AGBL4: variants seen among roughly 807,000 people sequenced by gnomAD.
AGBL4 encodes the protein cytosolic carboxypeptidase 6.
In AGBL4, 58 loss-of-function variants were observed where a neutral mutation model predicts 66.4. The observed-to-expected ratio is 0.87, with a 90% CI of 0.71 to 1.09. The LOEUF (loss-of-function observed/expected upper bound fraction) is 1.09. Among genes scored for constraint, AGBL4 ranks in the 50% least tolerant of loss-of-function variants. AGBL4 has a pLI of 0.00. For synonymous variants in AGBL4, 234 were observed against 222.9 expected (o/e 1.05, Z -0.44); for missense variants, 579 against 631.0 (o/e 0.92, Z 0.88).
intron 3 of AGBL4, among the ~76,000 whole-genome samples, chr1:49,625,096 T>G (rs1467731291): frequency 1.3e-5 from 2 of 152,200 alleles, no homozygotes; most frequent in African/African-American, 4.8e-5. Context: ...CAATAACATC[T>G]GACACTAAAT....
At position 48,612,109 on chromosome 1, in the gene AGBL4, G is replaced by C. The variant is rs896996360; in HGVS notation, c.952-21124C>G. On this transcript the variant is annotated intron_variant, in intron 9 of 13. Coordinates refer to ENST00000371839, the MANE Select transcript of AGBL4 (RefSeq NM_032785.4). ...TTTTCTAACTGCCAGTGCGGCCAGGGGCCTGCTGCCAGAGTGTGCTCAATA... is the reference window on the plus strand; with the variant it reads ...TTTTCTAACTGCCAGTGCGGCCAGGCGCCTGCTGCCAGAGTGTGCTCAATA... Among the ~76,000 whole-genome samples the C allele has an allele frequency of 3.3e-5, 5 of 152,364 alleles. No individual in the cohort carries two copies. The East Asian group carries it at 5.8e-4, about 18-fold the overall frequency.
chr1:50,017,804 T>C (rs1415280844), intron 1 of AGBL4, among the ~76,000 whole-genome samples: 1 of 152,108 alleles, frequency 6.6e-6, no homozygotes, highest in Non-Finnish European at 1.5e-5. Flanking sequence ...AGCTGGGTGA[T>C]GAAATAACCT....
intron 11 of AGBL4, among the ~76,000 whole-genome samples, chr1:48,565,757 T>C (rs184414825): frequency 1.3e-5 from 2 of 152,362 alleles, no homozygotes; most frequent in East Asian, 3.9e-4. Flanking sequence ...ATGAGAACAA[T>C]AATCTCTGTC....
At chr1:49,792,402 A>AT (rs1644623782) in intron 2 of AGBL4, among the ~76,000 whole-genome samples, 2 of 152,094 alleles carry the variant, frequency 1.3e-5, no homozygotes, top group Admixed American at 1.3e-4. Flanking sequence ...CCAGGAGCAA[A>AT]TTATAGATTA....
chr1:48,555,968 C>T (rs1417454405), intron 11 of AGBL4, among the ~76,000 whole-genome samples: 2 of 152,114 alleles, frequency 1.3e-5, no homozygotes, highest in East Asian at 3.9e-4. Context: ...CTAAAGGTGG[C>T]TCCTAGAAGG....
chr1:49,232,371 TG>T (rs1650381077), intron 4 of AGBL4, among the ~76,000 whole-genome samples: 2 of 152,172 alleles, frequency 1.3e-5, no homozygotes, highest in Non-Finnish European at 1.5e-5. Flanking sequence ...TGAGTAACTT[TG>T]GACTCAAGAA....
At chr1:49,044,742 T>C (rs925210431) in intron 5 of AGBL4, among the ~76,000 whole-genome samples, 1 of 152,020 alleles carries the variant, frequency 6.6e-6, no homozygotes, top group Admixed American at 6.5e-5. Context: ...TGATACAGCA[T>C]GAAAAAGACT....
intron 4 of AGBL4, among the ~76,000 whole-genome samples, chr1:49,062,875 T>C (rs1045279626): frequency 1.3e-5 from 2 of 152,212 alleles, no homozygotes; most frequent in Non-Finnish European, 2.9e-5. Context: ...ATGGCATAGC[T>C]TCCTTTCTAC....
chr1:49,887,188 T>C (rs1207058060), intron 1 of AGBL4, among the ~76,000 whole-genome samples: 1 of 149,776 alleles, frequency 6.7e-6, no homozygotes, highest in Non-Finnish European at 1.5e-5. Context: ...TATATATATA[T>C]ATGTGTATGT....
intron 3 of AGBL4, among the ~76,000 whole-genome samples, chr1:49,431,293 T>G (rs915685475): frequency 6.6e-6 from 1 of 152,200 alleles, no homozygotes; most frequent in Non-Finnish European, 1.5e-5. Context: ...CATGTAAATA[T>G]AAAGTACTAT....
intron 3 of AGBL4, among the ~76,000 whole-genome samples, chr1:49,656,146 CAA>C (rs545673143): frequency 8.3e-5 from 9 of 108,836 alleles, no homozygotes; most frequent in Admixed American, 1.9e-4. Context: ...GACTCCGTCT[CAA>C]AAAAAAAAAA....
At chr1:49,009,654 G>C (rs1343307987) in intron 5 of AGBL4, among the ~76,000 whole-genome samples, 1 of 150,858 alleles carries the variant, frequency 6.6e-6, no homozygotes, top group Non-Finnish European at 1.5e-5. Context: ...AACGAATCCA[G>C]CAGCACATCA....
At chr1:49,525,405 G>T (rs1650579676) in intron 3 of AGBL4, among the ~76,000 whole-genome samples, 1 of 152,000 alleles carries the variant, frequency 6.6e-6, no homozygotes. Flanking sequence ...ATAGAGGTAG[G>T]GGGAGTGCCT....
At chr1:49,026,656 A>G (rs1388593280) in intron 5 of AGBL4, among the ~76,000 whole-genome samples, 1 of 152,208 alleles carries the variant, frequency 6.6e-6, no homozygotes, top group Non-Finnish European at 1.5e-5. Context: ...CACACAATGC[A>G]CAGTCAAACA....
In AGBL4 at chr1:49,818,397, G is replaced by T. The variant is rs370429404; in HGVS notation, c.157+32999C>A. On this transcript the variant is annotated intron_variant, in intron 2 of 13. Coordinates refer to ENST00000371839, the MANE Select transcript of AGBL4 (RefSeq NM_032785.4). ...TTTTTTTTTTTTGAGATGAGGTCTT[G>T]CTCTGTCACCCAGGCTGGAGTGCAG... 3.6e-4 allele frequency among the ~76,000 whole-genome samples: 52 copies of T among 142,900 alleles called. 1 individual carries two copies. In the South Asian group the frequency reaches 0.01, roughly 28 times the overall value. 93.7% of individuals were successfully genotyped at this position (142,900 alleles called of 152,430 possible). A position where few individuals can be genotyped will look rare whatever the true frequency, so the allele number is the denominator to read the frequency against.
At chr1:49,786,137 A>G (rs1003437307) in intron 2 of AGBL4, among the ~76,000 whole-genome samples, 10 of 151,238 alleles carry the variant, frequency 6.6e-5, no homozygotes, top group Non-Finnish European at 7.4e-5. Context: ...ATGAAAAAAT[A>G]AATACCCCAA....
chr1:48,664,197 A>C (rs982977666), intron 6 of AGBL4, among the ~76,000 whole-genome samples: 7 of 152,200 alleles, frequency 4.6e-5, no homozygotes, highest in African/African-American at 1.7e-4. Context: ...GGTAACTGTG[A>C]GCTCCAGAGA....
intron 1 of AGBL4, among the ~76,000 whole-genome samples, chr1:49,889,480 T>C (rs765022843): frequency 1.3e-5 from 2 of 152,280 alleles, no homozygotes; most frequent in South Asian, 2.1e-4. Context: ...AACCTAAATA[T>C]AGAAATAATC....
intron 2 of AGBL4, chr1:49,846,297 G>A: frequency 6.7e-7 from 1 of 1,500,820 alleles, no homozygotes; most frequent in Non-Finnish European, 9.2e-7. Flanking sequence ...ACACAGCACT[G>A]GAGGATCCAC....
Sources: allele counts gnomAD v4.1 joint callset (sites outside exome capture counted in the v4.1 genomes callset), GRCh38; gene constraint gnomAD v4.1.1; transcripts MANE v1.5; gene names NCBI Gene and HGNC (gene_info 2026-07-23, HGNC 2026-07-21).